Variants in SLC39A11 observed in about 807,000 individuals in gnomAD.
SLC39A11 encodes zinc transporter ZIP11.
Under a neutral mutation model 36.1 loss-of-function variants are expected in SLC39A11, and 33 were observed. The ratio of observed to expected loss-of-function variants is 0.91; its 90% CI spans 0.69 to 1.22. The LOEUF is 1.22. Ranked by LOEUF, SLC39A11 falls within the 50% of genes most tolerant of loss-of-function variation. SLC39A11 has a pLI of 0.00. For missense variants in SLC39A11, 432 were observed against 430.3 expected (o/e 1.00, Z -0.03); for synonymous variants, 166 against 170.3 (o/e 0.97, Z 0.20).
At chr17:72,751,020 G>A (rs2075135026) in intron 6 of SLC39A11, among the ~76,000 whole-genome samples, 1 of 152,194 alleles carries the variant, frequency 6.6e-6, no homozygotes, top group Admixed American at 6.5e-5. Flanking sequence ...GCCAAGGCGG[G>A]AGGATCACCT....
intron 7 of SLC39A11, among the ~76,000 whole-genome samples, chr17:72,680,087 AAT>A: frequency 6.6e-6 from 1 of 151,426 alleles, no homozygotes; most frequent in South Asian, 2.1e-4. Context: ...TGGTAAAATT[AAT>A]ATAACATAGA....
intron 7 of SLC39A11, among the ~76,000 whole-genome samples, chr17:72,669,304 CCT>C (rs1362307961): frequency 6.6e-6 from 1 of 152,158 alleles, no homozygotes; most frequent in Non-Finnish European, 1.5e-5. Flanking sequence ...TCAATTCTCC[CCT>C]GACATCCTTT....
chr17:72,831,765 A>C (rs2078295519), intron 6 of SLC39A11, among the ~76,000 whole-genome samples: 1 of 152,188 alleles, frequency 6.6e-6, no homozygotes, highest in African/African-American at 2.4e-5. Flanking sequence ...ATTCTCTCTT[A>C]AAGAGAATTA....
In SLC39A11 at chr17:72,661,690, C is replaced by T. The variant is rs866371343; in HGVS notation, c.672-12422G>A. ...GCTGGGTACTCCCCGCAGGGCTGCC[C>T]GGCCCTACCTGCTCAGAGGAGCTGG... On this transcript the variant is annotated intron_variant, in intron 7 of 9. Transcript: ENST00000255559. Among the ~76,000 whole-genome samples, 19 of 152,170 alleles carry T rather than the reference C, an allele frequency of 1.2e-4. No individual in the cohort carries two copies. The South Asian group carries it at 1.9e-3, about 15-fold the overall frequency.
At chr17:72,850,932 A>G (rs2079280924) in intron 5 of SLC39A11, among the ~76,000 whole-genome samples, 1 of 152,138 alleles carries the variant, frequency 6.6e-6, no homozygotes, top group African/African-American at 2.4e-5. Context: ...GCCAATCAGA[A>G]TCCCTCTCCA....
chr17:72,815,765 T>C (rs55997553), intron 6 of SLC39A11, among the ~76,000 whole-genome samples: 1 of 151,858 alleles, frequency 6.6e-6, no homozygotes, highest in Non-Finnish European at 1.5e-5. Context: ...CTACTAAAAA[T>C]ACAAAAATTA....
rs566601940 is a variant in SLC39A11, at chr17:72,918,502, C to T, written c.430+29250G>A. Among the ~76,000 whole-genome samples, 8 of 152,328 alleles carry T rather than the reference C, an allele frequency of 5.3e-5. No individual in the cohort carries two copies. In the South Asian group the frequency reaches 1.7e-3, roughly 32 times the overall value. The stretch of plus-strand genomic sequence containing the variant: ...GTCCCTGATTCACACCTTGCACCCA[C>T]CCAGTCTCAGCCAGAGCCCTGGCGC... On this transcript the variant is annotated intron_variant, in intron 5 of 9. Coordinates refer to ENST00000255559, the MANE Select transcript of SLC39A11 (RefSeq NM_139177.4).
At chr17:72,785,500 C>T (rs577680682) in intron 6 of SLC39A11, among the ~76,000 whole-genome samples, 10 of 152,184 alleles carry the variant, frequency 6.6e-5, no homozygotes, top group Non-Finnish European at 1.3e-4. Flanking sequence ...CCTCCATCTC[C>T]GAAGGGGAGA....
intron 6 of SLC39A11, among the ~76,000 whole-genome samples, chr17:72,791,985 T>G (rs1326709555): frequency 2.6e-5 from 4 of 152,160 alleles, no homozygotes. Context: ...GATTAACACA[T>G]GTAGTATGAT....
chr17:72,814,317 C>A (rs2077517979), intron 6 of SLC39A11, among the ~76,000 whole-genome samples: 1 of 152,148 alleles, frequency 6.6e-6, no homozygotes, highest in East Asian at 1.9e-4. Flanking sequence ...TAGTTCCTCC[C>A]AAATGGTGCC....
intron 7 of SLC39A11, among the ~76,000 whole-genome samples, chr17:72,702,939 C>CAAA (rs57566412): frequency 4.8e-4 from 42 of 86,844 alleles, no homozygotes; most frequent in African/African-American, 9.2e-5. Context: ...TCCATCTCAC[C>CAAA]AAAAAAAAAA....
At chr17:72,855,127 G>A (rs1043475643) in intron 5 of SLC39A11, among the ~76,000 whole-genome samples, 4 of 152,172 alleles carry the variant, frequency 2.6e-5, no homozygotes, top group African/African-American at 7.2e-5. Context: ...AAAGTACGGC[G>A]AAAGTTACAA....
At chr17:72,927,484 G>T (rs925052357) in intron 5 of SLC39A11, among the ~76,000 whole-genome samples, 2 of 152,166 alleles carry the variant, frequency 1.3e-5, no homozygotes, top group Non-Finnish European at 2.9e-5. Flanking sequence ...AGAATGGAAG[G>T]CCATCCCATG....
At chr17:72,842,151 G>C (rs2078848956) in intron 6 of SLC39A11, among the ~76,000 whole-genome samples, 1 of 151,462 alleles carries the variant, frequency 6.6e-6, no homozygotes, top group South Asian at 2.1e-4. Flanking sequence ...ACATACCTAT[G>C]TTACTGACAA....
In SLC39A11 at chr17:72,849,652, T is replaced by A; in HGVS notation, c.583A>T (p.Thr195Ser). The A allele has an allele frequency of 6.3e-7, 1 of 1,577,182 alleles. No homozygotes were observed. Among genetic ancestry groups the A allele is most frequent in the Non-Finnish European group, 8.6e-7 (1 of 1,165,008 alleles). The change falls in exon 6 of 10, where the codon ACT (threonine) becomes TCT (serine). Residue 195 changes from threonine (T) to serine (S), a missense_variant. Transcript: ENST00000255559. Reference protein sequence around the residue: ...RRIALLILAITIHNVPEGLAV... With the variant: ...RRIALLILAISIHNVPEGLAV... ...ACCTCACCTGGAACGTTGTGTATAG[T>A]GATGGCCAAGATGAGCAGTGCGATC...
At position 72,677,381 on chromosome 17, in the gene SLC39A11, A is replaced by T. The variant is rs1046806489; in HGVS notation, c.672-28113T>A. 3.3e-5 allele frequency among the ~76,000 whole-genome samples: 5 copies of T among 152,208 alleles called. No homozygotes were observed. In the East Asian group the frequency reaches 9.6e-4, roughly 29 times the overall value. On this transcript the variant is annotated intron_variant, in intron 7 of 9. Transcript: ENST00000255559. Reference sequence around the variant, plus strand: ...CTACATCACAGCAGATGCTGCAAGGAGAAAGGCCAACATCTGGTCAGATGC... The same window carrying T: ...CTACATCACAGCAGATGCTGCAAGGTGAAAGGCCAACATCTGGTCAGATGC...
chr17:72,669,419 C>A (rs565309149), intron 7 of SLC39A11, among the ~76,000 whole-genome samples: 14 of 152,280 alleles, frequency 9.2e-5, no homozygotes, highest in Non-Finnish European at 1.6e-4. Flanking sequence ...CCTTGATTTT[C>A]ATGACTTTGA....
chr17:72,801,144 G>T (rs1219066271), intron 6 of SLC39A11, among the ~76,000 whole-genome samples: 1 of 152,242 alleles, frequency 6.6e-6, no homozygotes, highest in Non-Finnish European at 1.5e-5. Flanking sequence ...TGGCTGCCTA[G>T]GGCTTGAGAG....
intron 7 of SLC39A11, among the ~76,000 whole-genome samples, chr17:72,703,899 G>A (rs1443971786): frequency 2.0e-5 from 3 of 152,204 alleles, no homozygotes. Flanking sequence ...AGGCCGAGGT[G>A]GGTGAATCCT....
Sources: gnomAD v4.1 joint callset for allele counts (sites outside exome capture counted in the v4.1 genomes callset) on GRCh38, gnomAD v4.1.1 for gene constraint, MANE v1.5 for transcripts, NCBI Gene and HGNC (gene_info 2026-07-23, HGNC 2026-07-21) for gene names.